The following VPS13C variants were observed in gnomAD, a reference collection of about 807,000 sequenced individuals.
The protein encoded by VPS13C is vacuolar protein sorting 13 homolog C.
VPS13C carries 358 observed loss-of-function variants against 456.8 expected under a neutral mutation model. The observed-to-expected ratio is 0.78, with a 90% confidence interval of 0.72 to 0.86. The LOEUF (loss-of-function observed/expected upper bound fraction) is 0.86, where lower values mean the gene tolerates loss of function less well. Ranked by LOEUF, VPS13C falls within the 40% of genes least tolerant of loss-of-function variation. The pLI is 0.00. For missense variants in VPS13C, 4,818 were observed against 4,385.4 expected (o/e 1.10, Z -2.79); for synonymous variants, 1,578 against 1,486.7 (o/e 1.06, Z -1.41).
chr15:62,049,778 T>C (rs1438754073), intron 1 of VPS13C, among the ~76,000 whole-genome samples: 2 of 152,200 alleles, frequency 1.3e-5, no homozygotes, highest in Non-Finnish European at 2.9e-5. Flanking sequence ...TTTATTTCAT[T>C]GAGCAGTGGT....
At chr15:61,946,576 A>T (rs2044612461) in intron 43 of VPS13C, among the ~76,000 whole-genome samples, 166 bp from the exon 44 acceptor site, 1 of 151,920 alleles carries the variant, frequency 6.6e-6, no homozygotes, top group African/African-American at 2.4e-5. Context: ...TAAGAAAGGT[A>T]ATAATACCTT....
At chr15:62,023,909 A>G in intron 6 of VPS13C, 64 bp from the exon 7 acceptor site, 1 of 1,441,900 alleles carries the variant, frequency 6.9e-7, no homozygotes, top group Non-Finnish European at 9.4e-7. Context: ...TACAGGACAG[A>G]AAAGAAAACA....
intron 29 of VPS13C, 97 bp downstream of exon 29, chr15:61,967,271 C>G (rs2045406232): frequency 3.1e-6 from 3 of 979,554 alleles, no homozygotes; most frequent in Non-Finnish European, 3.1e-6. Context: ...AACTGTGATA[C>G]ACATCCAGAG....
At chr15:61,879,705 T>C (rs530942601) in intron 73 of VPS13C, among the ~76,000 whole-genome samples, 176 of 152,182 alleles carry the variant, frequency 1.2e-3, no homozygotes, top group African/African-American at 4.1e-3. Flanking sequence ...TAATAAGCAT[T>C]CAGTAAATAC....
rs574657571 is a variant in VPS13C, at chr15:61,997,724, T to C, written c.1353+2840A>G. 8.5e-5 allele frequency among the ~76,000 whole-genome samples: 13 copies of C among 152,272 alleles called. No individual in the cohort carries two copies. The South Asian group carries it at 2.7e-3, about 32-fold the overall frequency. ...AAATACTGGCTGTACCCTCAAAGTA[T>C]ATCTAGAATCTGACCCTTTCTGATC... On this transcript the variant is annotated intron_variant, in intron 16 of 84. Coordinates refer to ENST00000644861, the MANE Select transcript of VPS13C (RefSeq NM_020821.3).
chr15:62,041,953 T>C (rs1038064729), intron 2 of VPS13C, among the ~76,000 whole-genome samples: 53 of 152,196 alleles, frequency 3.5e-4, no homozygotes, highest in Admixed American at 1.5e-3. Context: ...GTAAACCAAA[T>C]CAAATGGAAA....
chr15:62,037,346 TATTATATATA>T lies in VPS13C; in HGVS notation c.188-2304_188-2295del, dbSNP rs1567137154. 9.5e-4 allele frequency among the ~76,000 whole-genome samples: 82 copies of T among 86,050 alleles called. 8 individuals are homozygous for T. The highest frequency in any genetic ancestry group is 2.9e-3 in the East Asian group (11 of 3,812). The allele number at this position is 86,050 out of a possible 152,430, so 56.5% of individuals were successfully genotyped here. A position where few individuals can be genotyped will look rare whatever the true frequency, so the allele number is the denominator to read the frequency against. On this transcript the variant is annotated intron_variant, in intron 3 of 84. Coordinates refer to ENST00000644861, the MANE Select transcript of VPS13C (RefSeq NM_020821.3). ...ATATTATATACATTTATATATAATA[TATTATATATA>T]AATGTATATAATATATTATATATAA... is the stretch of plus-strand genomic sequence containing the variant.
At position 61,898,407 on chromosome 15, in the gene VPS13C, A is replaced by C. The variant is rs369500690; in HGVS notation, c.9106-8007T>G. Among the ~76,000 whole-genome samples the C allele has an allele frequency of 5.1e-3, 767 of 151,510 alleles. 8 individuals carry two copies. Among genetic ancestry groups the C allele is most frequent in the African/African-American group, 0.018 (738 of 41,278 alleles). On this transcript the variant is annotated intron_variant, in intron 66 of 84. Transcript: ENST00000644861. ...GGCTCAAAATAAAAGGATGGAGGAA[A>C]ATCTACCAAGCAAATGGAAAACAAA... is the stretch of plus-strand genomic sequence containing the variant.
rs200815172 is a variant in VPS13C, at chr15:61,963,904, C to T, written c.3262G>A (p.Ala1088Thr). ...ATGACACAGAAAGCATTCAACTTGG[C>T]AAATAGCCTGAAATCAATAATGTCA... ...DSDIIDFRLF[A>T]KLNAFCVIVC... is the part of the protein sequence containing the mutation. Residue 1088 changes from alanine to threonine, a missense_variant, in exon 32 of 85, where the codon GCC (alanine) becomes ACC (threonine). Around this residue, in one of 3 missense-constraint regions of VPS13C, gnomAD observed 4,552 missense variants for 4,130.6 expected, o/e 1.10. Transcript: ENST00000644861. 680 of 1,612,018 alleles carry T rather than the reference C, an allele frequency of 4.2e-4. No homozygotes were observed. Among genetic ancestry groups the T allele is most frequent in the Non-Finnish European group, 5.4e-4 (631 of 1,178,790 alleles).
At chr15:61,916,100 A>G (rs2140163674) in intron 60 of VPS13C, 78 bp from the exon 61 acceptor site, 8 of 1,441,590 alleles carry the variant, frequency 5.5e-6, no homozygotes, top group Non-Finnish European at 7.3e-6. Flanking sequence ...CACAAATGCT[A>G]AATAAACTAC....
intron 1 of VPS13C, among the ~76,000 whole-genome samples, chr15:62,056,983 G>A (rs1294731055): frequency 1.3e-5 from 2 of 152,004 alleles, no homozygotes; most frequent in African/African-American, 4.8e-5. Flanking sequence ...AAATAACAGC[G>A]CAGCCAGACA....
At chr15:61,888,541 G>A (rs953591665) in intron 67 of VPS13C, among the ~76,000 whole-genome samples, 3 of 152,092 alleles carry the variant, frequency 2.0e-5, no homozygotes, top group African/African-American at 7.2e-5. Flanking sequence ...GAGCTGTCAA[G>A]CCATGAAAAG....
At position 61,915,832 on chromosome 15, in the gene VPS13C, G is replaced by A. The variant is rs138157392; in HGVS notation, c.8246C>T (p.Thr2749Met). 8.4e-5 allele frequency: 135 copies of A among 1,613,930 alleles called. 2 individuals are homozygous for A. In the South Asian group the frequency reaches 1.1e-3, roughly 13 times the overall value. ...VCFSSDSTEV[T>M]TVDLSVHVRR... ...GACGTGGACTGACAGGTCGACTGTC[G>A]TCACTTCTGTGGAGTCAGAAGAAAA... The change falls in exon 61 of 85, where the codon ACG becomes ATG. Residue 2749 changes from threonine to methionine, a missense_variant. Thr to Met is a moderately conservative substitution (Grantham distance 81, BLOSUM62 -1). Transcript: ENST00000644861.
At chr15:61,951,168 C>G in intron 39 of VPS13C, 144 bp from the exon 40 acceptor site, 2 of 517,316 alleles carry the variant, frequency 3.9e-6, no homozygotes, top group Non-Finnish European at 6.8e-6. Context: ...CTGTATAAAT[C>G]TTACCTCAAT....
intron 49 of VPS13C, among the ~76,000 whole-genome samples, 198 bp from the exon 50 acceptor site, chr15:61,931,457 T>C (rs949158754): frequency 6.6e-6 from 1 of 152,148 alleles, no homozygotes; most frequent in Non-Finnish European, 1.5e-5. Context: ...TAAATAGATA[T>C]ATGTGTGAAT....
Position 61,910,289 on chromosome 15 carries a change from G to A in VPS13C, c.8732C>T (p.Pro2911Leu), listed in dbSNP as rs763348241. 6.6e-7 allele frequency: 1 copy of A among 1,519,914 alleles called. No individual in the cohort carries two copies. The highest frequency in any genetic ancestry group is 1.3e-5 in the South Asian group (1 of 76,098). The allele number at this position is 1,519,914 out of a possible 1,614,324, so 94.2% of individuals were successfully genotyped here. Residue 2911 changes from proline (P) to leucine (L), a missense_variant, in exon 64 of 85, where the codon CCA becomes CTA. Around this residue, in one of 3 missense-constraint regions of VPS13C, gnomAD observed 4,552 missense variants for 4,130.6 expected, o/e 1.10. Coordinates refer to ENST00000644861, the MANE Select transcript of VPS13C (RefSeq NM_020821.3). ...ACAAAGTTTGCCTGACAAACTTTCTGGCCAAAATGGAAGGCACTAAAAATA... is the reference window on the plus strand; with the variant it reads ...ACAAAGTTTGCCTGACAAACTTTCTAGCCAAAATGGAAGGCACTAAAAATA... ...IASSECLPFW[P>L]ESLSGKLCVR...
At chr15:61,903,278 G>A (rs2140121210) in intron 66 of VPS13C, among the ~76,000 whole-genome samples, 1 of 152,088 alleles carries the variant, frequency 6.6e-6, no homozygotes, top group African/African-American at 2.4e-5. Flanking sequence ...TGAGGCTGGA[G>A]TGAACCATGA....
At chr15:61,967,013 T>C (rs1470453559) in intron 29 of VPS13C, among the ~76,000 whole-genome samples, 1 of 151,976 alleles carries the variant, frequency 6.6e-6, no homozygotes, top group Non-Finnish European at 1.5e-5. Context: ...ATTTGTCTTC[T>C]GAACCCAATT....
intron 66 of VPS13C, among the ~76,000 whole-genome samples, chr15:61,901,236 C>G (rs1435657622): frequency 6.6e-6 from 1 of 152,060 alleles, no homozygotes; most frequent in Non-Finnish European, 1.5e-5. Context: ...AAAGCAATGG[C>G]AACAAAAGAC....
Sources: gnomAD v4.1 joint callset for allele counts (sites outside exome capture counted in the v4.1 genomes callset) on GRCh38, gnomAD v4.1.1 for gene constraint, gnomAD v4.1.1 regional missense constraint, MANE v1.5 for transcripts, NCBI Gene and HGNC (gene_info 2026-07-23, HGNC 2026-07-21) for gene names.